DIAPH3: variants seen among roughly 807,000 people sequenced by gnomAD.
DIAPH3 encodes the protein diaphanous related formin 3.
A neutral mutation model predicts 144.3 loss-of-function variants in DIAPH3; 117 were observed. That is an observed-to-expected ratio of 0.81 (90% CI 0.70 to 0.95). The LOEUF is 0.95. Ranked by LOEUF, DIAPH3 falls within the 40% of genes least tolerant of loss-of-function variation. The pLI is 0.00. For missense variants in DIAPH3, 1,421 were observed against 1,412.7 expected (o/e 1.01, Z -0.09); for synonymous variants, 519 against 488.9 (o/e 1.06, Z -0.81).
intron 22 of DIAPH3, among the ~76,000 whole-genome samples, chr13:59,860,261 A>G (rs2043501375): frequency 1.3e-5 from 2 of 152,316 alleles, no homozygotes; most frequent in South Asian, 4.1e-4. Context: ...CTTCAAGTTG[A>G]TGAATTCCAA....
chr13:59,699,319 A>C (rs1297476621), intron 27 of DIAPH3, among the ~76,000 whole-genome samples: 1 of 152,248 alleles, frequency 6.6e-6, no homozygotes, highest in Non-Finnish European at 1.5e-5. Flanking sequence ...TGTTCCAGAC[A>C]GAAGCAGCAA....
chr13:60,074,827 C>G (rs530551740), intron 4 of DIAPH3, among the ~76,000 whole-genome samples: 1 of 152,160 alleles, frequency 6.6e-6, no homozygotes, highest in South Asian at 2.1e-4. Context: ...TTGGTTTTAA[C>G]AGCTGTATTA....
chr13:59,776,945 C>CAA (rs140364989), intron 25 of DIAPH3, among the ~76,000 whole-genome samples: 15 of 145,400 alleles, frequency 1.0e-4, no homozygotes, highest in African/African-American at 3.8e-4. Context: ...AACAAACAAA[C>CAA]AAACAAAAAA....
intron 17 of DIAPH3, among the ~76,000 whole-genome samples, chr13:59,934,368 C>T (rs1188849492): frequency 1.3e-5 from 2 of 151,818 alleles, no homozygotes; most frequent in Non-Finnish European, 2.9e-5. Context: ...ATTACACTAG[C>T]CTTAAGAGTA....
chr13:60,027,598 T>C (rs568092294), intron 5 of DIAPH3, among the ~76,000 whole-genome samples: 2 of 152,256 alleles, frequency 1.3e-5, no homozygotes, highest in Admixed American at 1.3e-4. Context: ...TCTTGACCTT[T>C]AGATGAAAAA....
intron 27 of DIAPH3, among the ~76,000 whole-genome samples, chr13:59,706,448 G>A (rs908485577): frequency 1.3e-5 from 2 of 152,008 alleles, no homozygotes; most frequent in Non-Finnish European, 2.9e-5. Flanking sequence ...GGTCAAATAG[G>A]GAAGAAGAAG....
chr13:59,966,593 A>C (rs1027598740), intron 17 of DIAPH3, among the ~76,000 whole-genome samples: 35 of 152,202 alleles, frequency 2.3e-4, no homozygotes, highest in African/African-American at 8.4e-4. Flanking sequence ...AGAAGTCCTG[A>C]AAACCTAAAG....
chr13:59,924,805 A>G lies in DIAPH3; in HGVS notation c.2140T>C (p.Phe714Leu). ...TTCTGGGCAATTTTAGAATCTAAAA[A>G]CTTAAGTTCTTTAATTTTTTTCTTA... ...SIKKKIKELK[F>L]LDSKIAQNLS... The change falls in exon 18 of 28, where the codon TTT becomes CTT. Residue 714 changes from phenylalanine (F) to leucine (L), a missense_variant. Phe to Leu is a conservative substitution (Grantham distance 22, BLOSUM62 0). Transcript: ENST00000400324. The G allele has an allele frequency of 6.2e-7, 1 of 1,602,398 alleles. No individual in the cohort carries two copies. Among genetic ancestry groups the G allele is most frequent in the Non-Finnish European group, 8.5e-7 (1 of 1,171,918 alleles).
intron 5 of DIAPH3, among the ~76,000 whole-genome samples, chr13:60,024,305 G>A (rs1249877567): frequency 2.0e-5 from 3 of 151,832 alleles, no homozygotes; most frequent in African/African-American, 7.3e-5. Flanking sequence ...TTTCCTGGTG[G>A]TCCAGACTAT....
intron 12 of DIAPH3, 140 bp downstream of exon 12, chr13:59,991,018 G>A (rs2051773258): frequency 6.5e-6 from 4 of 615,130 alleles, no homozygotes; most frequent in Non-Finnish European, 2.9e-6. Context: ...TATATGCCCA[G>A]AGAAAACAAC....
At chr13:59,699,089 A>G (rs1449501635) in intron 27 of DIAPH3, among the ~76,000 whole-genome samples, 1 of 152,192 alleles carries the variant, frequency 6.6e-6, no homozygotes, top group Non-Finnish European at 1.5e-5. Flanking sequence ...CATGGAGCTT[A>G]TATTCTAGGA....
chr13:60,056,326 A>G (rs954926498), intron 4 of DIAPH3, among the ~76,000 whole-genome samples: 16 of 151,674 alleles, frequency 1.1e-4, no homozygotes, highest in African/African-American at 3.6e-4. Flanking sequence ...AGTTGGAGGG[A>G]TACAGATACA....
chr13:59,984,415 A>T (rs982627001), intron 12 of DIAPH3, among the ~76,000 whole-genome samples: 10 of 151,756 alleles, frequency 6.6e-5, no homozygotes, highest in Non-Finnish European at 1.3e-4. Flanking sequence ...GAAATAGAAA[A>T]ATTCAGTATA....
chr13:59,712,461 G>A (rs574677059), intron 27 of DIAPH3, among the ~76,000 whole-genome samples: 152 of 152,218 alleles, frequency 1.0e-3, no homozygotes, highest in Non-Finnish European at 2.0e-3. Context: ...ATTCCCACTG[G>A]TTGAACTTTG....
chr13:59,815,513 T>C (rs2040722286), intron 24 of DIAPH3, among the ~76,000 whole-genome samples: 1 of 152,162 alleles, frequency 6.6e-6, no homozygotes, highest in Admixed American at 6.5e-5. Context: ...TCCATTCAGG[T>C]CTTGGACATT....
chr13:59,832,385 C>T (rs1411261981), intron 24 of DIAPH3, among the ~76,000 whole-genome samples: 3 of 151,710 alleles, frequency 2.0e-5, no homozygotes, highest in African/African-American at 7.3e-5. Context: ...CCTTCTTTTT[C>T]TTCACACCTC....
chr13:60,063,782 A>G (rs983376134), intron 4 of DIAPH3, among the ~76,000 whole-genome samples: 1 of 152,094 alleles, frequency 6.6e-6, no homozygotes, highest in African/African-American at 2.4e-5. Flanking sequence ...ACACAAAATT[A>G]GCCAGGCATG....
intron 27 of DIAPH3, among the ~76,000 whole-genome samples, chr13:59,721,784 G>C (rs1443561402): frequency 6.6e-6 from 1 of 152,088 alleles, no homozygotes; most frequent in African/African-American, 2.4e-5. Context: ...GTCCCATTTG[G>C]CACCAATCCA....
intron 27 of DIAPH3, among the ~76,000 whole-genome samples, chr13:59,685,053 T>C (rs2033144300): frequency 6.6e-6 from 1 of 152,104 alleles, no homozygotes; most frequent in Non-Finnish European, 1.5e-5. Flanking sequence ...GTAACAGCAA[T>C]ACACTTAATA....
Sources: allele counts gnomAD v4.1 joint callset (sites outside exome capture counted in the v4.1 genomes callset), GRCh38; gene constraint gnomAD v4.1.1; transcripts MANE v1.5; gene names NCBI Gene and HGNC (gene_info 2026-07-23, HGNC 2026-07-21).